ADGRL2: variants seen among roughly 807,000 people sequenced by gnomAD.
The protein encoded by ADGRL2 is calcium-independent alpha-latrotoxin receptor 2.
In ADGRL2, 44 loss-of-function variants were observed where a neutral mutation model predicts 157.4. That is an observed-to-expected ratio of 0.28 (90% CI 0.22 to 0.36). The LOEUF is 0.36. Ranked by LOEUF, ADGRL2 falls within the 10% of genes least tolerant of loss-of-function variation. The pLI, the probability that ADGRL2 is intolerant of heterozygous loss-of-function variation, is 1.00. For synonymous variants in ADGRL2, 585 were observed against 624.7 expected (o/e 0.94, Z 0.95); for missense variants, 1,510 against 1,768.9 (o/e 0.85, Z 2.63).
At chr1:81,409,209 A>T (rs1442429882) in intron 1 of ADGRL2, among the ~76,000 whole-genome samples, 1 of 152,112 alleles carries the variant, frequency 6.6e-6, no homozygotes, top group Non-Finnish European at 1.5e-5. Flanking sequence ...TTTCCTGCTC[A>T]CTGGTGCATC....
chr1:81,619,387 C>A (rs538244385), intron 3 of ADGRL2, among the ~76,000 whole-genome samples: 14 of 152,068 alleles, frequency 9.2e-5, no homozygotes, highest in Non-Finnish European at 1.6e-4. Context: ...CAACCTACAG[C>A]AATTTGCACT....
At position 81,986,909 on chromosome 1, in the gene ADGRL2, G is replaced by A. The variant is rs1663323683; in HGVS notation, c.3517G>A (p.Gly1173Ser). Residue 1173 changes from glycine (G) to serine (S), a missense_variant, in exon 22 of 24, where the codon GGC becomes AGC. Transcript: ENST00000686636. Reference sequence around the variant, plus strand: ...TTTTTTTTTTACTTTAGGAATGACTGGCAATTACCTACTAACAAACCCTCT... The same window carrying A: ...TTTTTTTTTTACTTTAGGAATGACTAGCAATTACCTACTAACAAACCCTCT... ...STSTLNQGMTGNYLLTNPLLR... is the reference protein window; with the variant it reads ...STSTLNQGMTSNYLLTNPLLR... The A allele has an allele frequency of 1.7e-5, 27 of 1,604,518 alleles. No homozygotes were observed. Among genetic ancestry groups the A allele is most frequent in the Non-Finnish European group, 2.2e-5 (26 of 1,176,558 alleles).
At chr1:81,588,058 G>A (rs2081062076) in intron 3 of ADGRL2, among the ~76,000 whole-genome samples, 2 of 152,078 alleles carry the variant, frequency 1.3e-5, no homozygotes, top group Admixed American at 1.3e-4. Context: ...GAGTGCTCTT[G>A]GGTGGAGGGA....
intron 11 of ADGRL2, among the ~76,000 whole-genome samples, chr1:81,960,708 G>T (rs569554584): frequency 2.6e-5 from 4 of 152,138 alleles, no homozygotes; most frequent in Admixed American, 2.6e-4. Context: ...TTCCTGATCA[G>T]GTGATCCACC....
intron 1 of ADGRL2, among the ~76,000 whole-genome samples, chr1:81,356,132 A>G (rs1398608515): frequency 1.3e-5 from 2 of 152,184 alleles, no homozygotes; most frequent in Non-Finnish European, 2.9e-5. Flanking sequence ...CAATTCTCAA[A>G]TGTTACTCTC....
intron 3 of ADGRL2, among the ~76,000 whole-genome samples, chr1:81,627,433 C>A (rs1483936212): frequency 6.6e-6 from 1 of 152,014 alleles, no homozygotes; most frequent in Non-Finnish European, 1.5e-5. Flanking sequence ...GTAGGTTGAG[C>A]CATATTTGCT....
At chr1:81,963,773 T>G (rs1285265903) in intron 11 of ADGRL2, among the ~76,000 whole-genome samples, 1 of 151,440 alleles carries the variant, frequency 6.6e-6, no homozygotes, top group South Asian at 2.1e-4. Flanking sequence ...GTATATTTTA[T>G]TAAAGATTTT....
At chr1:81,649,725 T>C (rs991871422) in intron 3 of ADGRL2, among the ~76,000 whole-genome samples, 1 of 152,202 alleles carries the variant, frequency 6.6e-6, no homozygotes, top group Non-Finnish European at 1.5e-5. Flanking sequence ...GTTCCCATTT[T>C]AGAGAAAACA....
At chr1:81,403,661 TGGGTTTAAAA>T (rs1445029399) in intron 1 of ADGRL2, among the ~76,000 whole-genome samples, 1 of 151,938 alleles carries the variant, frequency 6.6e-6, no homozygotes, top group Non-Finnish European at 1.5e-5. Flanking sequence ...CTTGGAAAAA[TGGGTTTAAAA>T]TTTAGAGATG....
chr1:81,784,432 C>T (rs548439614), intron 2 of ADGRL2, among the ~76,000 whole-genome samples: 1 of 152,182 alleles, frequency 6.6e-6, no homozygotes, highest in Non-Finnish European at 1.5e-5. Flanking sequence ...ATGAATAGTA[C>T]TGATTGTAGC....
intron 2 of ADGRL2, among the ~76,000 whole-genome samples, chr1:81,852,223 T>G (rs2093038523): frequency 6.6e-6 from 1 of 152,094 alleles, no homozygotes; most frequent in Non-Finnish European, 1.5e-5. Flanking sequence ...GGTTTACATT[T>G]GTTTTAGAAA....
intron 11 of ADGRL2, among the ~76,000 whole-genome samples, chr1:81,965,444 A>G (rs1197048405): frequency 2.6e-5 from 4 of 152,162 alleles, no homozygotes; most frequent in African/African-American, 7.2e-5. Flanking sequence ...AATTAATGGG[A>G]AGTTTTAACA....
chr1:81,669,942 CAAA>C (rs11389637), intron 3 of ADGRL2, among the ~76,000 whole-genome samples: 1 of 88,032 alleles, frequency 1.1e-5, no homozygotes, highest in Non-Finnish European at 2.3e-5. Flanking sequence ...GACTACGTCT[CAAA>C]AAAAAAAAAA....
chr1:81,635,580 G>T (rs2082099717), intron 3 of ADGRL2, among the ~76,000 whole-genome samples: 1 of 152,182 alleles, frequency 6.6e-6, no homozygotes, highest in African/African-American at 2.4e-5. Context: ...GCTATTTCCT[G>T]GTTCACAGAT....
intron 2 of ADGRL2, among the ~76,000 whole-genome samples, chr1:81,778,169 A>C (rs1164693294): frequency 6.6e-6 from 1 of 151,290 alleles, no homozygotes; most frequent in Non-Finnish European, 1.5e-5. Flanking sequence ...AAATACAAAA[A>C]AAATTAGCCA....
intron 2 of ADGRL2, among the ~76,000 whole-genome samples, chr1:81,490,457 AG>A (rs1268724220): frequency 6.6e-6 from 1 of 152,146 alleles, no homozygotes; most frequent in Non-Finnish European, 1.5e-5. Flanking sequence ...AAAAATTATT[AG>A]AAAAAGGAAG....
At chr1:81,550,355 G>C (rs921201267) in intron 2 of ADGRL2, among the ~76,000 whole-genome samples, 1 of 152,060 alleles carries the variant, frequency 6.6e-6, no homozygotes, top group African/African-American at 2.4e-5. Flanking sequence ...CTTTCCCAAA[G>C]TAACACAGTA....
At position 81,946,623 on chromosome 1, in the gene ADGRL2, A is replaced by G. The variant is rs566160872; in HGVS notation, c.1210+2854A>G. Among the ~76,000 whole-genome samples, 152 of 152,254 alleles carry G rather than the reference A, an allele frequency of 1.0e-3. 1 individual carries two copies. Among genetic ancestry groups the G allele is most frequent in the African/African-American group, 3.3e-3 (136 of 41,558 alleles). On this transcript the variant is annotated intron_variant, in intron 6 of 23. Transcript: ENST00000686636. ...GGCAGTTCCTCAACATTTGGGTTAGACTAATTAATGATGTGATACACTTCT... is the reference window on the plus strand; with the variant it reads ...GGCAGTTCCTCAACATTTGGGTTAGGCTAATTAATGATGTGATACACTTCT...
At chr1:81,976,073 T>C (rs1272435292) in intron 17 of ADGRL2, among the ~76,000 whole-genome samples, 1 of 152,152 alleles carries the variant, frequency 6.6e-6, no homozygotes, top group African/African-American at 2.4e-5. Context: ...TCAGTATATG[T>C]TCTATTTAAT....
Sources: gnomAD v4.1 joint callset for allele counts (sites outside exome capture counted in the v4.1 genomes callset) on GRCh38, gnomAD v4.1.1 for gene constraint, MANE v1.5 for transcripts, NCBI Gene and HGNC (gene_info 2026-07-23, HGNC 2026-07-21) for gene names.